The following CPNE5 variants were observed in gnomAD, a reference collection of about 807,000 sequenced individuals.
CPNE5 encodes the protein copine 5.
CPNE5 carries 42 observed loss-of-function variants against 81.1 expected under a neutral mutation model. That is an observed-to-expected ratio of 0.52 (90% CI 0.40 to 0.67). The LOEUF is 0.67. Ranked by LOEUF, CPNE5 falls within the 30% of genes least tolerant of loss-of-function variation. The probability of loss-of-function intolerance (pLI) is 0.00; values close to 1 mark genes in which losing one functional copy is unlikely to be tolerated. For synonymous variants in CPNE5, 313 were observed against 321.5 expected (o/e 0.97, Z 0.28); for missense variants, 612 against 815.5 (o/e 0.75, Z 3.04).
Position 36,765,331 on chromosome 6 carries a change from T to C in CPNE5, c.779+4A>G. The C allele has an allele frequency of 1.9e-6, 3 of 1,613,966 alleles. No homozygotes were observed. The highest frequency in any genetic ancestry group is 2.5e-6 in the Non-Finnish European group (3 of 1,179,864). On this transcript the variant is annotated splice_donor_region_variant and intron_variant, in intron 11 of 20. Transcript: ENST00000244751. ...TTCTCGCCCCTGCCCTCCTGCCTGC[T>C]TACCTGCCGTCCCGATCCCAGTCGT...
chr6:36,836,945 C>T (rs903328959), intron 1 of CPNE5, among the ~76,000 whole-genome samples: 1 of 152,166 alleles, frequency 6.6e-6, no homozygotes, highest in African/African-American at 2.4e-5. Context: ...ATGAGCAGGC[C>T]CCAGGTCAGG....
chr6:36,828,608 G>A (rs1272394664), intron 1 of CPNE5, among the ~76,000 whole-genome samples: 1 of 152,174 alleles, frequency 6.6e-6, no homozygotes, highest in Non-Finnish European at 1.5e-5. Context: ...CATAATGGAG[G>A]TCATGGGCCC....
chr6:36,826,301 T>C (rs1246571993), intron 1 of CPNE5, among the ~76,000 whole-genome samples: 1 of 152,176 alleles, frequency 6.6e-6, no homozygotes, highest in Non-Finnish European at 1.5e-5. Flanking sequence ...ACCTGGCTCC[T>C]TGCCTGGTGA....
chr6:36,746,614 AC>A lies in CPNE5; in HGVS notation c.1019-38del. On this transcript the variant is annotated intron_variant, in intron 15 of 20. Transcript: ENST00000244751. The surrounding 1 kb of genome is among the most constrained non-coding windows in gnomAD (Gnocchi z 4.5). ...GACATGGGAGCCTTTGACCATCTGG[AC>A]CCTCCAAGTCACCCCGGGTTCAGAA... 1 of 1,580,126 alleles carries A rather than the reference AC, an allele frequency of 6.3e-7. No homozygotes were observed. The highest frequency in any genetic ancestry group is 2.3e-5 in the East Asian group (1 of 42,878).
intron 1 of CPNE5, chr6:36,838,760 G>A (rs1253794078): frequency 6.1e-6 from 6 of 984,126 alleles, no homozygotes; most frequent in African/African-American, 1.7e-5. Flanking sequence ...TAGAGATGAA[G>A]GAAGGCTTTA....
rs140598792 is a variant in CPNE5, at chr6:36,790,947, C to A, written c.528+1086G>T. On this transcript the variant is annotated intron_variant, in intron 8 of 20. Transcript: ENST00000244751. ...AGGAATTAATACATACATTAAAATT[C>A]TGTTTAAATTTCTAGTAGGGTAAAT... Among the ~76,000 whole-genome samples, 837 of 152,280 alleles carry A rather than the reference C, an allele frequency of 5.5e-3. 12 individuals are homozygous for A. Among genetic ancestry groups the A allele is most frequent in the African/African-American group, 0.018 (733 of 41,556 alleles).
rs1766612838 is a variant in CPNE5 at position 36,766,942 on chromosome 6, G to A, written c.738-1566C>T. Among the ~76,000 whole-genome samples the A allele has an allele frequency of 1.3e-5, 2 of 152,078 alleles. No homozygotes were observed. The highest frequency in any genetic ancestry group is 1.9e-4 in the East Asian group (1 of 5,184). On this transcript the variant is annotated intron_variant, in intron 10 of 20. Transcript: ENST00000244751. This position sits in a 1 kb window ranked among gnomAD's most constrained non-coding sequence, Gnocchi z 4.2. ...GTGATCTCGGCTCATTGCAACCTCCGCCTCCGGATTCAACTGATTCTCCTG... is the reference window on the plus strand; with the variant it reads ...GTGATCTCGGCTCATTGCAACCTCCACCTCCGGATTCAACTGATTCTCCTG...
At position 36,778,962 on chromosome 6, in the gene CPNE5, T is replaced by C; in HGVS notation, c.529-5A>G. On this transcript the variant is annotated splice_region_variant and splice_polypyrimidine_tract_variant and intron_variant, in intron 8 of 20. Transcript: ENST00000244751. ...GAACTGCATGGTGGCGACATCCTGG[T>C]GGGAGGGAGGGAGAACGGGGTGTGA... The C allele has an allele frequency of 6.3e-7, 1 of 1,582,980 alleles. No individual in the cohort carries two copies. Among genetic ancestry groups the C allele is most frequent in the Non-Finnish European group, 8.7e-7 (1 of 1,153,436 alleles).
At chr6:36,810,308 C>T (rs7772574) in intron 3 of CPNE5, among the ~76,000 whole-genome samples, 3,023 of 152,300 alleles carry the variant, frequency 0.02, 100 homozygotes, top group African/African-American at 0.067. Flanking sequence ...CTGCTGTCTA[C>T]CTCACAAGCT....
At chr6:36,838,868 A>G (rs889871202) in intron 1 of CPNE5, 3 of 370,398 alleles carry the variant, frequency 8.1e-6, no homozygotes, top group Non-Finnish European at 1.1e-5. Context: ...AGAGGAGGGC[A>G]CAGAAGGGAG....
At position 36,777,766 on chromosome 6, in the gene CPNE5, C is replaced by CCACA. The variant is rs34423091; in HGVS notation, c.632+1084_632+1087dup. Among the ~76,000 whole-genome samples, 58 of 109,506 alleles carry CCACA rather than the reference C, an allele frequency of 5.3e-4. 1 individual carries two copies. The highest frequency in any genetic ancestry group is 6.7e-4 in the African/African-American group (17 of 25,266). The allele number at this position is 109,506 out of a possible 152,430, so 71.8% of individuals were successfully genotyped here. ...GCTCCCCTGCCTACCCCCCCCCCCA[C>CCACA]CACACACACACACACACACACACAC... On this transcript the variant is annotated intron_variant, in intron 9 of 20. Transcript: ENST00000244751.
At chr6:36,818,194 G>A (rs1771728000) in intron 3 of CPNE5, among the ~76,000 whole-genome samples, 1 of 152,046 alleles carries the variant, frequency 6.6e-6, no homozygotes, top group Admixed American at 6.6e-5. Context: ...TTGTGCTTGG[G>A]CTCAAATTCC....
At chr6:36,751,883 A>G (rs1764870559) in intron 14 of CPNE5, among the ~76,000 whole-genome samples, 1 of 152,174 alleles carries the variant, frequency 6.6e-6, no homozygotes, top group South Asian at 2.1e-4. Flanking sequence ...GGTGCTATGG[A>G]CTGTAAGGGG....
intron 3 of CPNE5, among the ~76,000 whole-genome samples, chr6:36,803,808 G>A (rs1377555301): frequency 6.6e-6 from 1 of 152,124 alleles, no homozygotes; most frequent in African/African-American, 2.4e-5. Flanking sequence ...GCTTTAACAG[G>A]TGTTTTTTAA....
At chr6:36,755,502 C>T (rs1008945806) in intron 13 of CPNE5, 1 of 149,688 alleles carries the variant, frequency 6.7e-6, no homozygotes, top group Non-Finnish European at 1.5e-5. Context: ...TCAACTGACA[C>T]ACACAGGCAT....
intron 1 of CPNE5, among the ~76,000 whole-genome samples, chr6:36,829,445 C>T (rs1772790401): frequency 1.3e-5 from 2 of 151,922 alleles, no homozygotes; most frequent in South Asian, 4.2e-4. Flanking sequence ...TGCAGTGAGC[C>T]GTGATCACAC....
At chr6:36,805,668 C>G (rs949919892) in intron 3 of CPNE5, among the ~76,000 whole-genome samples, 1 of 151,948 alleles carries the variant, frequency 6.6e-6, no homozygotes, top group South Asian at 2.1e-4. Flanking sequence ...GGGACGGTCT[C>G]CTACTGGGCA....
intron 4 of CPNE5, among the ~76,000 whole-genome samples, chr6:36,799,085 G>C (rs536371655): frequency 6.6e-6 from 1 of 152,170 alleles, no homozygotes; most frequent in African/African-American, 2.4e-5. Context: ...GCTCACCGGG[G>C]GCCTGATCAC....
At chr6:36,831,504 C>T (rs921276915) in intron 1 of CPNE5, among the ~76,000 whole-genome samples, 14 of 152,072 alleles carry the variant, frequency 9.2e-5, no homozygotes, top group African/African-American at 1.9e-4. Context: ...CAGGCGCCCG[C>T]CACCACACCT....
Sources: allele counts gnomAD v4.1 joint callset (sites outside exome capture counted in the v4.1 genomes callset), GRCh38; gene constraint gnomAD v4.1.1; non-coding constraint Gnocchi (gnomAD v3.1); transcripts MANE v1.5; gene names NCBI Gene and HGNC (gene_info 2026-07-23, HGNC 2026-07-21).